The following POLA1 variants were observed in gnomAD, a reference collection of about 807,000 sequenced individuals.
POLA1 encodes DNA polymerase alpha catalytic subunit.
Under a neutral mutation model 124.0 loss-of-function variants are expected in POLA1, and 15 were observed. The observed-to-expected ratio is 0.12, with a 90% CI of 0.08 to 0.19. The LOEUF is 0.19. POLA1 is among the 10% of genes least tolerant of loss of function. The pLI, the probability that POLA1 is intolerant of heterozygous loss-of-function variation, is 1.00. For missense variants in POLA1, 886 were observed against 1,103.4 expected, an observed-to-expected ratio of 0.80 and a Z score of 2.79; for synonymous variants, 408 against 389.4, an observed-to-expected ratio of 1.05 and a Z score of -0.56.
At chrX:24,810,910 A>T in intron 28 of POLA1, 110 bp downstream of exon 28, 1 of 438,165 alleles carries the variant, frequency 2.3e-6, no homozygotes, top group Non-Finnish European at 4.0e-6. Flanking sequence ...TCTGAAAATA[A>T]TAAACTTGGT....
chrX:24,993,333 C>G (rs1009834980), intron 36 of POLA1, among the ~76,000 whole-genome samples: 3 of 112,216 alleles, frequency 2.7e-5, no homozygotes, highest in African/African-American at 9.7e-5. Context: ...TCTCTGTGGA[C>G]AGGGATGGGA....
At chrX:24,740,514 A>T (rs189838436) in intron 20 of POLA1, among the ~76,000 whole-genome samples, 19 of 112,032 alleles carry the variant, frequency 1.7e-4, no homozygotes, top group Admixed American at 4.7e-4. Flanking sequence ...GTCAGATGTG[A>T]TACTCTGCTC....
At chrX:24,965,802 A>G (rs763110465) in intron 36 of POLA1, among the ~76,000 whole-genome samples, 42 of 112,576 alleles carry the variant, frequency 3.7e-4, no homozygotes, top group African/African-American at 1.3e-3. Flanking sequence ...AAGAAGAGTG[A>G]TTCCAGGAAA....
At chrX:24,877,731 G>C (rs2046952602) in intron 34 of POLA1, among the ~76,000 whole-genome samples, 1 of 111,554 alleles carries the variant, frequency 9.0e-6, no homozygotes, top group South Asian at 3.7e-4. Context: ...GTGTCTCTCT[G>C]AATGTTAAAA....
At chrX:24,972,054 C>T (rs972963731) in intron 36 of POLA1, among the ~76,000 whole-genome samples, 5 of 110,117 alleles carry the variant, frequency 4.5e-5, no homozygotes, top group South Asian at 7.6e-4. Flanking sequence ...CTGCAACCTC[C>T]GCCTCTCAGG....
intron 6 of POLA1, 53 bp downstream of exon 6, chrX:24,715,256 A>G: frequency 1.3e-6 from 1 of 764,328 alleles, no homozygotes; most frequent in Non-Finnish European, 2.0e-6. Context: ...GACTGAAGAA[A>G]CACTCTAGTA....
At chrX:24,890,693 A>T (rs967086591) in intron 35 of POLA1, among the ~76,000 whole-genome samples, 12 of 112,454 alleles carry the variant, frequency 1.1e-4, no homozygotes, top group Non-Finnish European at 7.5e-5. Context: ...ACTATCATTT[A>T]TTTTTTAAAA....
intron 8 of POLA1, 67 bp downstream of exon 8, chrX:24,717,038 G>C: frequency 1.4e-6 from 1 of 699,881 alleles, no homozygotes; most frequent in Admixed American, 2.7e-5. Flanking sequence ...GAGGCCCTAT[G>C]ATGGAGGAGG....
At chrX:24,892,145 C>CATAT (rs751660843) in intron 35 of POLA1, among the ~76,000 whole-genome samples, 9 of 107,807 alleles carry the variant, frequency 8.3e-5, no homozygotes, top group Non-Finnish European at 1.2e-4. Context: ...ATATTTCATT[C>CATAT]ATATATATAT....
intron 26 of POLA1, among the ~76,000 whole-genome samples, chrX:24,790,735 A>G (rs1383595318): frequency 9.1e-6 from 1 of 110,044 alleles, no homozygotes; most frequent in African/African-American, 3.3e-5. Context: ...ATATACTGAA[A>G]CTGAATGAAA....
At chrX:24,800,231 T>TA (rs757828131) in intron 26 of POLA1, among the ~76,000 whole-genome samples, 11 of 112,015 alleles carry the variant, frequency 9.8e-5, no homozygotes, top group Non-Finnish European at 1.9e-4. Context: ...GTTCTATTCT[T>TA]ACGGTGAATT....
At chrX:24,947,731 G>T (rs2047985280) in intron 36 of POLA1, among the ~76,000 whole-genome samples, 1 of 112,235 alleles carries the variant, frequency 8.9e-6, no homozygotes, top group Non-Finnish European at 1.9e-5. Context: ...TTTCAGACTG[G>T]TTTTCTCTTA....
chrX:24,737,025 G>C (rs1315498793), intron 18 of POLA1, among the ~76,000 whole-genome samples: 1 of 111,871 alleles, frequency 8.9e-6, no homozygotes, highest in Admixed American at 9.5e-5. Context: ...TTGCATTTTT[G>C]AGATAATTTC....
intron 26 of POLA1, among the ~76,000 whole-genome samples, chrX:24,760,807 A>G (rs1484229163): frequency 1.8e-5 from 2 of 111,686 alleles, no homozygotes; most frequent in African/African-American, 6.5e-5. Flanking sequence ...AGTTTTATGT[A>G]TGTGTGAAGA....
chrX:24,843,161 T>TC (rs1306105306), intron 33 of POLA1, among the ~76,000 whole-genome samples: 1 of 112,245 alleles, frequency 8.9e-6, no homozygotes, highest in Non-Finnish European at 1.9e-5. Context: ...TTGTTTTTCT[T>TC]CAAGTTTGTA....
At chrX:24,728,311 TTG>T (rs1319217105) in intron 15 of POLA1, among the ~76,000 whole-genome samples, 3 of 111,876 alleles carry the variant, frequency 2.7e-5, no homozygotes, top group African/African-American at 9.8e-5. Flanking sequence ...GTCTCAGACA[TTG>T]TGTCATTTTC....
At chrX:24,717,876 G>GC (rs755168063) in intron 10 of POLA1, 118 bp downstream of exon 10, 3 of 434,901 alleles carry the variant, frequency 6.9e-6, no homozygotes, top group Admixed American at 5.6e-5. Context: ...GTTTATTTCT[G>GC]TTTTTTTTTT....
chrX:24,908,266 T>G (rs2047395517), intron 35 of POLA1, among the ~76,000 whole-genome samples: 1 of 110,707 alleles, frequency 9.0e-6, no homozygotes, highest in South Asian at 3.9e-4. Flanking sequence ...TATTATTATT[T>G]TAGGGTACAC....
Position 24,995,972 on chromosome X carries a change from G to C in POLA1, c.*22G>C. On this transcript the variant is annotated 3_prime_UTR_variant, in exon 37 of 37. Transcript: ENST00000379068. ...CTAAGGGAATCCCAGGAGTAACCAA[G>C]GAGGGGGTAGTTGAAAAATCCCAGC... is the stretch of plus-strand genomic sequence containing the variant. 8.4e-7 allele frequency: 1 copy of C among 1,195,609 alleles called. No individual in the cohort carries two copies. The highest frequency in any genetic ancestry group is 1.1e-6 in the Non-Finnish European group (1 of 884,552).
Sources: gnomAD v4.1 joint callset for allele counts (sites outside exome capture counted in the v4.1 genomes callset) on GRCh38, gnomAD v4.1.1 for gene constraint, MANE v1.5 for transcripts, NCBI Gene and HGNC (gene_info 2026-07-23, HGNC 2026-07-21) for gene names.